Variants in TTC6 observed in about 807,000 individuals in gnomAD.
TTC6 encodes tetratricopeptide repeat protein 6.
TTC6 carries 172 observed loss-of-function variants against 210.4 expected under a neutral mutation model. The observed-to-expected ratio is 0.82, with a 90% CI of 0.72 to 0.93. The LOEUF (loss-of-function observed/expected upper bound fraction) is 0.93, where lower values mean the gene tolerates loss of function less well. Among genes scored for constraint, TTC6 ranks in the 40% least tolerant of loss-of-function variants. The probability of loss-of-function intolerance (pLI) is 0.00; values close to 1 mark genes in which losing one functional copy is unlikely to be tolerated. For synonymous variants in TTC6, 804 were observed against 819.6 expected (o/e 0.98, Z 0.32); for missense variants, 2,414 against 2,318.1 (o/e 1.04, Z -0.85).
intron 1 of TTC6, among the ~76,000 whole-genome samples, chr14:37,605,009 A>G (rs1368918238): frequency 4.6e-5 from 7 of 152,250 alleles, no homozygotes; most frequent in Non-Finnish European, 1.5e-5. Flanking sequence ...TGAAACGAGC[A>G]TGCTGGGCTT....
chr14:37,699,719 G>A lies in TTC6; in HGVS notation c.1377-1613G>A, dbSNP rs75615655. 4.0e-3 allele frequency among the ~76,000 whole-genome samples: 613 copies of A among 152,226 alleles called. 5 individuals are homozygous for A. Among genetic ancestry groups the A allele is most frequent in the African/African-American group, 9.8e-3 (408 of 41,554 alleles). On this transcript the variant is annotated intron_variant, in intron 4 of 30. Transcript: ENST00000553443. ...GGAACACACCTGAGCAACCCTGTGC[G>A]GGGGAGAAACTCAGTTTTGCATTGG...
chr14:37,749,416 A>G lies in TTC6; in HGVS notation c.2826+15A>G, dbSNP rs899767071. The G allele has an allele frequency of 2.1e-6, 3 of 1,397,376 alleles. No individual in the cohort carries two copies. Among genetic ancestry groups the G allele is most frequent in the African/African-American group, 2.9e-5 (2 of 69,128 alleles). 86.6% of individuals were successfully genotyped at this position (1,397,376 alleles called of 1,614,324 possible). The stretch of plus-strand genomic sequence containing the variant: ...ATCTGCAGAGAGTAAGTTTTCTTTA[A>G]CCAAAATAGTAATATTCACCATTTA... On this transcript the variant is annotated intron_variant, in intron 11 of 30. Coordinates refer to ENST00000553443, the Ensembl canonical transcript of TTC6.
At chr14:37,606,824 G>T in intron 2 of TTC6, 82 bp downstream of exon 2, 5 of 970,748 alleles carry the variant, frequency 5.2e-6, no homozygotes, top group Non-Finnish European at 6.1e-6. Flanking sequence ...TCACCATCTT[G>T]GAGTACAGCC....
intron 1 of TTC6, among the ~76,000 whole-genome samples, chr14:37,645,416 G>C (rs2095699815): frequency 6.6e-6 from 1 of 152,180 alleles, no homozygotes; most frequent in Admixed American, 6.6e-5. Flanking sequence ...GGAAATGTCA[G>C]TAAATAAATG....
At chr14:37,603,703 C>T (rs1323451975) in intron 1 of TTC6, among the ~76,000 whole-genome samples, 2 of 152,240 alleles carry the variant, frequency 1.3e-5, no homozygotes, top group African/African-American at 2.4e-5. Context: ...GCACTCTACA[C>T]ACTCCTCTCC....
At chr14:37,689,721 A>C (rs1240778732) in intron 3 of TTC6, among the ~76,000 whole-genome samples, 1 of 152,166 alleles carries the variant, frequency 6.6e-6, no homozygotes, top group Non-Finnish European at 1.5e-5. Context: ...ATCTGGTGAA[A>C]TTATCCTTCA....
intron 22 of TTC6, 104 bp downstream of exon 24, chr14:37,806,614 A>C: frequency 8.9e-7 from 1 of 1,124,204 alleles, no homozygotes; most frequent in Non-Finnish European, 1.2e-6. Context: ...TCAGTTTCTT[A>C]TACCTACTTT....
chr14:37,812,492 G>T, intron 25 of TTC6, 59 bp downstream of exon 27: 1 of 1,458,192 alleles, frequency 6.9e-7, no homozygotes, highest in South Asian at 1.5e-5. Flanking sequence ...GAGAACTAGT[G>T]AACAAGATTT....
At chr14:37,783,109 G>T (rs1190913849) in intron 14 of TTC6, among the ~76,000 whole-genome samples, 2 of 152,094 alleles carry the variant, frequency 1.3e-5, no homozygotes, top group Non-Finnish European at 2.9e-5. Flanking sequence ...TTGTGTCTCT[G>T]CCAGGCTTTG....
At chr14:37,842,090 T>G in intron 30 of TTC6, 65 bp from the exon 33 acceptor site, 2 of 1,367,504 alleles carry the variant, frequency 1.5e-6, no homozygotes, top group South Asian at 1.9e-5. Context: ...AATTTTTTTT[T>G]GTAAAAAAAG....
intron 14 of TTC6, among the ~76,000 whole-genome samples, chr14:37,786,842 T>C (rs979014189): frequency 6.6e-6 from 1 of 152,152 alleles, no homozygotes. Context: ...TCATCTTTAT[T>C]TTATTTCTAA....
At chr14:37,842,237 T>C (rs1261068248) in exon 31 of TTC6, 2 of 1,609,722 alleles carry the variant, frequency 1.2e-6, no homozygotes, top group Non-Finnish European at 1.7e-6. Flanking sequence ...TTGAGGAAGC[T>C]ATGGCTGACT....
chr14:37,780,299 A>T (rs1024951209), intron 14 of TTC6, among the ~76,000 whole-genome samples: 3 of 152,188 alleles, frequency 2.0e-5, no homozygotes, highest in African/African-American at 7.2e-5. Flanking sequence ...TTTTTGTTAC[A>T]TAGGTAAATG....
intron 14 of TTC6, among the ~76,000 whole-genome samples, chr14:37,763,450 A>T (rs570410450): frequency 6.6e-6 from 1 of 151,950 alleles, no homozygotes; most frequent in Non-Finnish European, 1.5e-5. Flanking sequence ...TGGCTTTTCT[A>T]TGTTTTTTGA....
At chr14:37,718,229 G>A (rs2095855829) in intron 6 of TTC6, among the ~76,000 whole-genome samples, 1 of 152,058 alleles carries the variant, frequency 6.6e-6, no homozygotes, top group Admixed American at 6.6e-5. Context: ...AGGACTTTAG[G>A]GAATTATTCC....
At chr14:37,641,752 C>A (rs1390907947) in intron 1 of TTC6, among the ~76,000 whole-genome samples, 1 of 152,004 alleles carries the variant, frequency 6.6e-6, no homozygotes, top group Non-Finnish European at 1.5e-5. Context: ...TGGAAAAAAA[C>A]TTTCATAGTC....
At chr14:37,782,678 A>C (rs944550114) in intron 14 of TTC6, among the ~76,000 whole-genome samples, 1 of 152,056 alleles carries the variant, frequency 6.6e-6, no homozygotes, top group Non-Finnish European at 1.5e-5. Context: ...AATAGGAGTG[A>C]TGAGAGAGGG....
At chr14:37,747,816 T>C (rs1323711830) in intron 10 of TTC6, among the ~76,000 whole-genome samples, 1 of 152,092 alleles carries the variant, frequency 6.6e-6, no homozygotes, top group Non-Finnish European at 1.5e-5. Flanking sequence ...GTCAGAAATA[T>C]GAATTGAGAA....
At chr14:37,770,380 A>G (rs953785268) in intron 14 of TTC6, among the ~76,000 whole-genome samples, 3 of 151,986 alleles carry the variant, frequency 2.0e-5, no homozygotes, top group Non-Finnish European at 4.4e-5. Flanking sequence ...GTCTCATTGA[A>G]CTGTCTAATG....
Sources: gnomAD v4.1 joint callset for allele counts (sites outside exome capture counted in the v4.1 genomes callset) on GRCh38, gnomAD v4.1.1 for gene constraint, MANE v1.5 for transcripts, NCBI Gene and HGNC (gene_info 2026-07-23, HGNC 2026-07-21) for gene names.